The following TRMT11 variants were observed in gnomAD, a reference collection of about 807,000 sequenced individuals.
The protein encoded by TRMT11 is tRNA methyltransferase 11.
TRMT11 carries 53 observed loss-of-function variants against 62.8 expected under a neutral mutation model. The ratio of observed to expected loss-of-function variants is 0.84; its 90% CI spans 0.68 to 1.06. The LOEUF is 1.06. TRMT11 is among the 50% of genes least tolerant of loss of function. The pLI, the probability that TRMT11 is intolerant of heterozygous loss-of-function variation, is 0.00. For missense variants in TRMT11, 556 were observed against 553.4 expected, an observed-to-expected ratio of 1.00 and a Z score of -0.05; for synonymous variants, 188 against 190.3, an observed-to-expected ratio of 0.99 and a Z score of 0.10.
intron 1 of TRMT11, among the ~76,000 whole-genome samples, chr6:126,180,114 T>C (rs373195877): frequency 1.3e-5 from 2 of 152,192 alleles, no homozygotes; most frequent in African/African-American, 2.4e-5. Flanking sequence ...AAAAAAGATA[T>C]AACTTTATAG....
chr6:126,117,401 G>T (rs900299302), intron 21 of TRMT11, among the ~76,000 whole-genome samples: 3 of 151,714 alleles, frequency 2.0e-5, no homozygotes, highest in African/African-American at 7.3e-5. Context: ...TTTCTCTGTG[G>T]GATCAACATT....
chr6:126,163,667 G>T (rs147127316), intron 21 of TRMT11, among the ~76,000 whole-genome samples: 7,953 of 152,246 alleles, frequency 0.052, 300 homozygotes, highest in Middle Eastern at 0.085. Context: ...ATTCGGCTGT[G>T]AATCGGTCTG....
intron 21 of TRMT11, among the ~76,000 whole-genome samples, chr6:126,130,071 G>A (rs1354056537): frequency 6.6e-6 from 1 of 152,026 alleles, no homozygotes; most frequent in African/African-American, 2.4e-5. Flanking sequence ...CATGATGAAT[G>A]TTACACTGGC....
chr6:126,014,258 A>T (rs946246117), intron 11 of TRMT11, among the ~76,000 whole-genome samples: 1 of 151,738 alleles, frequency 6.6e-6, no homozygotes, highest in African/African-American at 2.4e-5. Context: ...ATTTTATTTT[A>T]TTTATTTTTT....
intron 11 of TRMT11, 97 bp downstream of exon 11, chr6:126,013,198 C>G: frequency 9.1e-7 from 1 of 1,098,072 alleles, no homozygotes; most frequent in Non-Finnish European, 1.3e-6. Context: ...TTTGGTGCAT[C>G]TTTATATTTA....
At chr6:126,197,833 C>G (rs1202322297) in intron 1 of TRMT11, among the ~76,000 whole-genome samples, 2 of 152,142 alleles carry the variant, frequency 1.3e-5, no homozygotes, top group Non-Finnish European at 2.9e-5. Context: ...ATCCTGATCC[C>G]CAGCTGCCCT....
chr6:126,235,302 T>G, the TRMT11 span, among the ~76,000 whole-genome samples: 1 of 152,312 alleles, frequency 6.6e-6, no homozygotes, highest in East Asian at 1.9e-4. Context: ...TGTCGAATCC[T>G]CAAAGACCTA....
the TRMT11 span, among the ~76,000 whole-genome samples, chr6:126,264,932 T>C: frequency 6.6e-6 from 1 of 152,208 alleles, no homozygotes; most frequent in Admixed American, 6.5e-5. Flanking sequence ...TATTGGCTCA[T>C]GTTCCTCTGG....
At chr6:126,166,515 C>G (rs1340910344) in intron 21 of TRMT11, among the ~76,000 whole-genome samples, 1 of 152,136 alleles carries the variant, frequency 6.6e-6, no homozygotes, top group African/African-American at 2.4e-5. Context: ...AAGCTTCGTC[C>G]CAGAGGGGCA....
At chr6:126,258,962 C>T in the TRMT11 span, among the ~76,000 whole-genome samples, 4 of 152,102 alleles carry the variant, frequency 2.6e-5, no homozygotes, top group African/African-American at 9.7e-5. Context: ...TTTCCGGATC[C>T]TCTGCCTCCT....
intron 12 of TRMT11, among the ~76,000 whole-genome samples, chr6:126,027,697 T>C (rs1408492419): frequency 1.3e-5 from 2 of 152,166 alleles, no homozygotes; most frequent in East Asian, 3.8e-4. Context: ...TACTGGAAGG[T>C]CACAGTGGCA....
intron 7 of TRMT11, among the ~76,000 whole-genome samples, chr6:126,001,131 G>T (rs1792409205): frequency 6.6e-6 from 1 of 151,968 alleles, no homozygotes. Context: ...CATAACCACA[G>T]TACTGTTTTC....
chr6:126,046,224 T>G (rs1653744932), intron 16 of TRMT11, among the ~76,000 whole-genome samples: 2 of 151,878 alleles, frequency 1.3e-5, no homozygotes, highest in African/African-American at 4.8e-5. Flanking sequence ...TAAGATGAAC[T>G]CCTAAAAAAA....
chr6:126,182,045 A>G (rs769174897), intron 1 of TRMT11, among the ~76,000 whole-genome samples: 1 of 152,174 alleles, frequency 6.6e-6, no homozygotes, highest in African/African-American at 2.4e-5. Context: ...ACTGATGGAG[A>G]TAAGACAGGA....
chr6:126,270,207 C>CT, the TRMT11 span, among the ~76,000 whole-genome samples: 2 of 152,034 alleles, frequency 1.3e-5, no homozygotes, highest in South Asian at 4.1e-4. Context: ...TAGTAGGTTT[C>CT]TTTTTTTCTA....
At chr6:125,999,142 G>A (rs919370661) in intron 6 of TRMT11, among the ~76,000 whole-genome samples, 1 of 152,102 alleles carries the variant, frequency 6.6e-6, no homozygotes, top group Non-Finnish European at 1.5e-5. Context: ...GTGAGTGGAA[G>A]TTGTGACTTA....
intron 21 of TRMT11, among the ~76,000 whole-genome samples, chr6:126,151,814 CTT>C (rs1430194091): frequency 1.1e-5 from 1 of 90,702 alleles, no homozygotes; most frequent in East Asian, 3.0e-4. Context: ...TCTTTTCTTT[CTT>C]TCTTTCTTTC....
intron 12 of TRMT11, among the ~76,000 whole-genome samples, chr6:126,029,658 T>G (rs936846673): frequency 9.9e-5 from 15 of 152,226 alleles, no homozygotes; most frequent in Non-Finnish European, 1.5e-4. Flanking sequence ...TGTTTTGGTC[T>G]GCTACTCATT....
chr6:126,225,646 A>G, the TRMT11 span, among the ~76,000 whole-genome samples: 2 of 140,446 alleles, frequency 1.4e-5, no homozygotes, highest in Non-Finnish European at 3.1e-5. Flanking sequence ...TTTTTCTGCT[A>G]GTTTTTGCCA....
Sources: gnomAD v4.1 joint callset for allele counts (sites outside exome capture counted in the v4.1 genomes callset) on GRCh38, gnomAD v4.1.1 for gene constraint, MANE v1.5 for transcripts, NCBI Gene and HGNC (gene_info 2026-07-23, HGNC 2026-07-21) for gene names.